Variants in DCTN5 observed in about 807,000 individuals in gnomAD.
DCTN5 encodes the protein dynactin subunit 5, also known as dynactin 4.
Under a neutral mutation model 23.5 loss-of-function variants are expected in DCTN5, and 14 were observed. That is an observed-to-expected ratio of 0.60 (90% confidence interval 0.39 to 0.93). DCTN5 has a LOEUF of 0.93. DCTN5 is among the 40% of genes least tolerant of loss of function. The pLI is 0.00. For synonymous variants in DCTN5, 67 were observed against 79.6 expected, an observed-to-expected ratio of 0.84 and a Z score of 0.84; for missense variants, 156 against 225.9, an observed-to-expected ratio of 0.69 and a Z score of 1.98.
Position 23,641,574 on chromosome 16 carries a change from C to T in DCTN5, c.32C>T (p.Ser11Phe), listed in dbSNP as rs1454832307. The change falls in exon 1 of 6, where the codon TCT (serine) becomes TTT (phenylalanine). Residue 11 changes from serine (S) to phenylalanine (F), a missense_variant. Physicochemically the swap from Ser to Phe is radical, Grantham distance 155 (BLOSUM62 -2). This residue lies in a region of DCTN5 where 153 missense variants were observed against 206.8 expected (regional missense o/e 0.74). Coordinates refer to ENST00000300087, the MANE Select transcript of DCTN5 (RefSeq NM_032486.4). ...TTGGGCGAGCTGCTCTACAACAAGT[C>T]TGAGTACATCGAGACGGTGCGCGGG... MELGELLYNK[S>F]EYIETASGNK... The T allele has an allele frequency of 3.1e-6, 5 of 1,614,044 alleles. No individual in the cohort carries two copies. The highest frequency in any genetic ancestry group is 4.2e-6 in the Non-Finnish European group (5 of 1,179,924).
intron 2 of DCTN5, among the ~76,000 whole-genome samples, chr16:23,644,190 CG>C (rs1332104799): frequency 6.6e-6 from 1 of 151,766 alleles, no homozygotes; most frequent in Non-Finnish European, 1.5e-5. Context: ...TACAGTGGCG[CG>C]ATCTTGGCTC....
intron 2 of DCTN5, among the ~76,000 whole-genome samples, chr16:23,645,942 A>G (rs1567228826): frequency 6.6e-6 from 1 of 152,262 alleles, no homozygotes; most frequent in East Asian, 1.9e-4. Context: ...TGTTTGGTAT[A>G]TACAAAAGAG....
At position 23,671,349 on chromosome 16, in the gene DCTN5, T is replaced by G. The variant is rs1338407878; in HGVS notation, c.*4205T>G. ...AGTGATACACCTTGAGCAAAACCCC[T>G]TAGAGTATAAGGCATAGCATTCTTA... On this transcript the variant is annotated 3_prime_UTR_variant, in exon 6 of 6. Coordinates refer to ENST00000300087, the MANE Select transcript of DCTN5 (RefSeq NM_032486.4). 3.3e-5 allele frequency: 5 copies of G among 152,204 alleles called. No individual in the cohort carries two copies. In the East Asian group the frequency reaches 9.6e-4, roughly 29 times the overall value. The allele number at this position is 152,204 out of a possible 1,614,324, so 9.4% of individuals were successfully genotyped here. A position where few individuals can be genotyped will look rare whatever the true frequency, so the allele number is the denominator to read the frequency against.
chr16:23,649,581 G>A (rs996670343), intron 2 of DCTN5, among the ~76,000 whole-genome samples: 12 of 152,202 alleles, frequency 7.9e-5, no homozygotes, highest in South Asian at 2.1e-4. Context: ...AGTGGCTCAC[G>A]CCTATAATCC....
At chr16:23,645,131 A>T (rs71374501) in intron 2 of DCTN5, among the ~76,000 whole-genome samples, 2,836 of 22,200 alleles carry the variant, frequency 0.13, 282 homozygotes, top group Admixed American at 0.23. Context: ...ATATATATAT[A>T]TATATATTTT....
At chr16:23,662,638 A>C (rs187477043) in intron 4 of DCTN5, among the ~76,000 whole-genome samples, 1 of 152,354 alleles carries the variant, frequency 6.6e-6, no homozygotes, top group East Asian at 1.9e-4. Flanking sequence ...GAAACCAAAC[A>C]GTTCACATTC....
At chr16:23,650,164 C>T (rs1422593768) in intron 2 of DCTN5, among the ~76,000 whole-genome samples, 1 of 152,026 alleles carries the variant, frequency 6.6e-6, no homozygotes, top group Non-Finnish European at 1.5e-5. Flanking sequence ...TCTTTCTGTT[C>T]AGGATTACTT....
chr16:23,666,847 T>C (rs749631701), intron 5 of DCTN5, 200 bp from the exon 6 acceptor site: 9 of 735,184 alleles, frequency 1.2e-5, no homozygotes, highest in East Asian at 2.8e-5. Flanking sequence ...GACTTTTGTT[T>C]AGTAATTTCT....
chr16:23,654,397 T>C (rs1474027904), intron 2 of DCTN5, among the ~76,000 whole-genome samples: 3 of 152,024 alleles, frequency 2.0e-5, no homozygotes, highest in African/African-American at 7.2e-5. Flanking sequence ...AGCTGGAGGC[T>C]AAATGATGAG....
rs1968050823 is a variant in DCTN5 at position 23,673,836 on chromosome 16, G to T, written c.*6692G>T. ...AGAGGGAGACAACATGTAAAGAGAA[G>T]CAATCTGTTTGGAAAATGAAAATAC... On this transcript the variant is annotated 3_prime_UTR_variant, in exon 6 of 6. Coordinates refer to ENST00000300087, the MANE Select transcript of DCTN5 (RefSeq NM_032486.4). 6.6e-6 allele frequency: 1 copy of T among 152,210 alleles called. No individual in the cohort carries two copies. Among genetic ancestry groups the T allele is most frequent in the Admixed American group, 6.5e-5 (1 of 15,286 alleles). 9.4% of individuals were successfully genotyped at this position (152,210 alleles called of 1,614,324 possible).
intron 2 of DCTN5, among the ~76,000 whole-genome samples, chr16:23,643,637 G>T (rs752542717): frequency 6.6e-6 from 1 of 152,006 alleles, no homozygotes; most frequent in Non-Finnish European, 1.5e-5. Context: ...GGCACAAAGT[G>T]TAACAGGTAA....
At position 23,670,821 on chromosome 16, in the gene DCTN5, T is replaced by C. The variant is rs1025355351; in HGVS notation, c.*3677T>C. ...ATGGGCTTGTGCTTTTAGTAGAATATGTGCTTGCTTCCATTTAGGGGTAAG... is the reference window on the plus strand; with the variant it reads ...ATGGGCTTGTGCTTTTAGTAGAATACGTGCTTGCTTCCATTTAGGGGTAAG... On this transcript the variant is annotated 3_prime_UTR_variant, in exon 6 of 6. Transcript: ENST00000300087. The C allele has an allele frequency of 6.6e-6, 1 of 152,216 alleles. No individual in the cohort carries two copies. Among genetic ancestry groups the C allele is most frequent in the Non-Finnish European group, 1.5e-5 (1 of 68,060 alleles). The allele number at this position is 152,216 out of a possible 1,614,324, so 9.4% of individuals were successfully genotyped here.
Position 23,648,233 on chromosome 16 carries a change from G to A in DCTN5, c.117+5210G>A, listed in dbSNP as rs1967512033. ...TGCAGTGGCACAATCATAGCTCACT[G>A]CAGCCTTGACCTTCCAGGCCAGGCT... is the stretch of plus-strand genomic sequence containing the variant. On this transcript the variant is annotated intron_variant, in intron 2 of 5. Transcript: ENST00000300087. Among the ~76,000 whole-genome samples, 3 of 151,842 alleles carry A rather than the reference G, an allele frequency of 2.0e-5. No homozygotes were observed. The South Asian group carries it at 6.2e-4, about 31-fold the overall frequency.
rs987127685 is a variant in DCTN5 at position 23,675,173 on chromosome 16, G to A, written c.*8029G>A. 4.6e-5 allele frequency: 7 copies of A among 151,852 alleles called. No homozygotes were observed. The highest frequency in any genetic ancestry group is 7.4e-5 in the Non-Finnish European group (5 of 67,994). 9.4% of individuals were successfully genotyped at this position (151,852 alleles called of 1,614,324 possible). On this transcript the variant is annotated 3_prime_UTR_variant, in exon 6 of 6. Coordinates refer to ENST00000300087, the MANE Select transcript of DCTN5 (RefSeq NM_032486.4). ...CTTTCTGGTTAAGTTGCATAAAAAC[G>A]TTTATCTACTTGAACTCTAGGATGA...
chr16:23,643,742 A>G (rs965612588), intron 2 of DCTN5, among the ~76,000 whole-genome samples: 2 of 152,240 alleles, frequency 1.3e-5, no homozygotes, highest in Non-Finnish European at 2.9e-5. Context: ...TCTTAAAACG[A>G]ATGTGACAAT....
rs1968068426 is a variant in DCTN5, at chr16:23,675,195, A to G, written c.*8051A>G. On this transcript the variant is annotated 3_prime_UTR_variant, in exon 6 of 6. Transcript: ENST00000300087. ...AACGTTTATCTACTTGAACTCTAGG[A>G]TGATAGTTAAAAAAAAAAATGTTGG... 6.6e-6 allele frequency: 1 copy of G among 151,964 alleles called. No individual in the cohort carries two copies. The highest frequency in any genetic ancestry group is 2.4e-5 in the African/African-American group (1 of 41,362). The allele number at this position is 151,964 out of a possible 1,614,324, so 9.4% of individuals were successfully genotyped here.
rs1448560831 is a variant in DCTN5 at position 23,670,954 on chromosome 16, G to C, written c.*3810G>C. ...ACTACTAGGTGCCAAGCACTTCCTA[G>C]GTCCTGGGGATACAGTGGAGACTAA... On this transcript the variant is annotated 3_prime_UTR_variant, in exon 6 of 6. Coordinates refer to ENST00000300087, the MANE Select transcript of DCTN5 (RefSeq NM_032486.4). The C allele has an allele frequency of 6.6e-6, 1 of 152,160 alleles. No homozygotes were observed. Among genetic ancestry groups the C allele is most frequent in the African/African-American group, 2.4e-5 (1 of 41,430 alleles). The allele number at this position is 152,160 out of a possible 1,614,324, so 9.4% of individuals were successfully genotyped here. A position where few individuals can be genotyped will look rare whatever the true frequency, so the allele number is the denominator to read the frequency against.
At chr16:23,650,788 T>C in intron 2 of DCTN5, 1 of 1,533,376 alleles carries the variant, frequency 6.5e-7, no homozygotes, top group Admixed American at 2.0e-5. Context: ...TGAGCCCATA[T>C]ATCAGATGTC....
Position 23,641,711 on chromosome 16 carries a change from T to A in DCTN5, c.48+121T>A, listed in dbSNP as rs1447748099. On this transcript the variant is annotated intron_variant, in intron 1 of 5. Coordinates refer to ENST00000300087, the MANE Select transcript of DCTN5 (RefSeq NM_032486.4). ...TGTCCCTTTGGCCATTAGTCCCGGA[T>A]TATCTAGCGATGCCCCGTGTACCGT... 2.9e-6 allele frequency: 3 copies of A among 1,034,818 alleles called. No homozygotes were observed. The African/African-American group carries it at 4.7e-5, about 16-fold the overall frequency. The allele number at this position is 1,034,818 out of a possible 1,614,324, so 64.1% of individuals were successfully genotyped here.
Sources: allele counts gnomAD v4.1 joint callset (sites outside exome capture counted in the v4.1 genomes callset), GRCh38; gene constraint gnomAD v4.1.1; regional missense constraint gnomAD v4.1.1; transcripts MANE v1.5; gene names NCBI Gene and HGNC (gene_info 2026-07-23, HGNC 2026-07-21).